FMR1: variants seen among roughly 807,000 people sequenced by gnomAD.
The protein encoded by FMR1 is FMRP translational regulator 1.
In FMR1, 13 loss-of-function variants were observed where a neutral mutation model predicts 50.6. The observed-to-expected ratio is 0.26, with a 90% CI of 0.17 to 0.41. FMR1 has a LOEUF of 0.41. Ranked by LOEUF, FMR1 falls within the 10% of genes least tolerant of loss-of-function variation. The pLI is 1.00. For missense variants in FMR1, 316 were observed against 491.3 expected, an observed-to-expected ratio of 0.64 and a Z score of 3.37; for synonymous variants, 138 against 164.1, an observed-to-expected ratio of 0.84 and a Z score of 1.22.
chrX:147,927,917 G>T, intron 3 of FMR1: 1 of 134,131 alleles, frequency 7.5e-6, no homozygotes, highest in South Asian at 2.1e-4. Context: ...AGACAGTAGG[G>T]CATGGTCAGT....
intron 2 of FMR1, among the ~76,000 whole-genome samples, chrX:147,924,116 A>G (rs1557176988): frequency 9.0e-6 from 1 of 111,125 alleles, no homozygotes; most frequent in African/African-American, 3.3e-5. Context: ...CCTTGGAACC[A>G]TTGAGTTATA....
intron 12 of FMR1, among the ~76,000 whole-genome samples, chrX:147,939,771 A>G (rs1197400509): frequency 9.3e-6 from 1 of 106,991 alleles, no homozygotes; most frequent in African/African-American, 3.4e-5. Context: ...GATGGCATGC[A>G]CGTGTTGTCC....
intron 16 of FMR1, among the ~76,000 whole-genome samples, chrX:147,946,146 G>T (rs1171055114): frequency 3.9e-5 from 1 of 25,838 alleles, no homozygotes; most frequent in African/African-American, 1.7e-4. Flanking sequence ...CAGTGTGCTG[G>T]GATTACAGGC....
intron 1 of FMR1, chrX:147,912,692 C>G (rs1410323493): frequency 4.0e-5 from 12 of 298,600 alleles, no homozygotes; most frequent in Non-Finnish European, 6.4e-5. Context: ...GCCAAGAGGG[C>G]TTCAGGTCTC....
chrX:147,934,197 GTTGTT>G (rs1376552214), intron 9 of FMR1, among the ~76,000 whole-genome samples: 4 of 103,795 alleles, frequency 3.9e-5, no homozygotes, highest in Non-Finnish European at 5.9e-5. Context: ...AGAGCTGGTA[GTTGTT>G]TTGTTTTTTT....
At chrX:147,937,330 G>A (rs1406557391) in intron 10 of FMR1, 136 bp from the exon 11 acceptor site, 7 of 451,004 alleles carry the variant, frequency 1.6e-5, no homozygotes, top group African/African-American at 7.6e-5. Flanking sequence ...ATTTGTATTC[G>A]GTAATTTTAT....
chrX:147,946,289 A>T (rs1374035186), intron 16 of FMR1, among the ~76,000 whole-genome samples: 1 of 112,112 alleles, frequency 8.9e-6, no homozygotes, highest in Non-Finnish European at 1.9e-5. Context: ...CCCCAAATTA[A>T]CAGGGATAGG....
chrX:147,927,265 C>G (rs1213351484), intron 3 of FMR1, among the ~76,000 whole-genome samples: 2 of 111,601 alleles, frequency 1.8e-5, no homozygotes, highest in East Asian at 2.8e-4. Flanking sequence ...ACTTTTTCTC[C>G]CCAGCTTGGT....
chrX:147,928,476 A>G, intron 4 of FMR1, 83 bp downstream of exon 4: 1 of 827,517 alleles, frequency 1.2e-6, no homozygotes, highest in Non-Finnish European at 1.8e-6. Context: ...GTGGATTTCT[A>G]TTTTGAAGTA....
At chrX:147,927,801 A>C (rs1437225754) in intron 3 of FMR1, 4 of 112,560 alleles carry the variant, frequency 3.6e-5, no homozygotes, top group Non-Finnish European at 7.4e-5. Flanking sequence ...AGGAGACCAG[A>C]AAGTGACCAA....
intron 12 of FMR1, among the ~76,000 whole-genome samples, chrX:147,939,272 AAT>A (rs1235689965): frequency 6.5e-5 from 7 of 108,312 alleles, no homozygotes; most frequent in Admixed American, 9.8e-5. Flanking sequence ...TTTCCCTCTT[AAT>A]ATATATATAT....
At chrX:147,936,941 A>G (rs905461451) in intron 10 of FMR1, among the ~76,000 whole-genome samples, 11 of 112,019 alleles carry the variant, frequency 9.8e-5, no homozygotes, top group Non-Finnish European at 2.1e-4. Flanking sequence ...TTCGTAAAGC[A>G]CTTTGTAAAT....
intron 1 of FMR1, among the ~76,000 whole-genome samples, chrX:147,920,058 T>C (rs1467906172): frequency 2.4e-4 from 27 of 112,312 alleles, no homozygotes; most frequent in Admixed American, 2.4e-3. Context: ...GAACTAGTTA[T>C]TGTCTCACTA....
At chrX:147,938,328 C>T (rs1973110429) in intron 12 of FMR1, among the ~76,000 whole-genome samples, 167 bp downstream of exon 12, 1 of 111,696 alleles carries the variant, frequency 9.0e-6, no homozygotes, top group Non-Finnish European at 1.9e-5. Flanking sequence ...ACCTTCATGC[C>T]GCTTGTAAGG....
chrX:147,915,252 G>A (rs1191813827), intron 1 of FMR1, among the ~76,000 whole-genome samples: 1 of 111,851 alleles, frequency 8.9e-6, no homozygotes, highest in Non-Finnish European at 1.9e-5. Flanking sequence ...TTTTAATGAA[G>A]ATATTAGTGG....
At position 147,948,886 on chromosome X, in the gene FMR1, A is replaced by G. The variant is rs375982343; in HGVS notation, c.*42A>G. On this transcript the variant is annotated 3_prime_UTR_variant, in exon 17 of 17. Transcript: ENST00000370475. ...GTTATATTTCCTATACCATTTCCGT[A>G]ATTCTTATTCCATATTAGAAAACTT... is the stretch of plus-strand genomic sequence containing the variant. 3.4e-6 allele frequency: 4 copies of G among 1,165,513 alleles called. No homozygotes were observed. The highest frequency in any genetic ancestry group is 4.7e-6 in the Non-Finnish European group (4 of 854,783).
chrX:147,928,603 CTTCTTA>C (rs2043473853), intron 4 of FMR1, 50 bp from the exon 5 acceptor site: 7 of 1,067,828 alleles, frequency 6.6e-6, no homozygotes, highest in East Asian at 3.0e-5. Flanking sequence ...ATAGGGAGAA[CTTCTTA>C]TTCTTACTTT....
chrX:147,918,554 G>GTTTTT (rs2042989205), intron 1 of FMR1, among the ~76,000 whole-genome samples: 12 of 18,743 alleles, frequency 6.4e-4, no homozygotes, highest in African/African-American at 1.5e-3. Flanking sequence ...GCCTGCAAAA[G>GTTTTT]CTTTTTTTTT....
chrX:147,933,319 G>A (rs1333814039), intron 9 of FMR1: 5 of 436,184 alleles, frequency 1.1e-5, no homozygotes, highest in African/African-American at 1.1e-4. Flanking sequence ...TGATATTTGG[G>A]GACTTTATGA....
Sources: allele counts gnomAD v4.1 joint callset (sites outside exome capture counted in the v4.1 genomes callset), GRCh38; gene constraint gnomAD v4.1.1; transcripts MANE v1.5; gene names NCBI Gene and HGNC (gene_info 2026-07-23, HGNC 2026-07-21).